Variants in DAPK1 observed in about 807,000 individuals in gnomAD.
The protein encoded by DAPK1 is death associated protein kinase 1, also known as death-associated protein kinase 1.
DAPK1 carries 56 observed loss-of-function variants against 144.9 expected under a neutral mutation model. The observed-to-expected ratio is 0.39, with a 90% CI of 0.31 to 0.48. The LOEUF is 0.48. DAPK1 is among the 20% of genes least tolerant of loss of function. DAPK1 has a pLI of 0.95. For synonymous variants in DAPK1, 690 were observed against 749.0 expected (o/e 0.92, Z 1.29); for missense variants, 1,454 against 1,875.4 (o/e 0.78, Z 4.15).
chr9:87,582,014 A>G (rs922287027), intron 2 of DAPK1, among the ~76,000 whole-genome samples: 2 of 152,222 alleles, frequency 1.3e-5, no homozygotes, highest in Non-Finnish European at 2.9e-5. Context: ...AAAAGAAAAC[A>G]AATCCAGGAG....
chr9:87,567,120 T>C (rs1486031718), intron 2 of DAPK1, among the ~76,000 whole-genome samples: 1 of 152,226 alleles, frequency 6.6e-6, no homozygotes, highest in Non-Finnish European at 1.5e-5. Context: ...GATTAAAATA[T>C]TCTCTTTCTG....
intron 2 of DAPK1, among the ~76,000 whole-genome samples, chr9:87,538,769 T>A (rs1825942933): frequency 6.6e-6 from 1 of 152,132 alleles, no homozygotes; most frequent in African/African-American, 2.4e-5. Context: ...TACTTGTAAC[T>A]TAAAAAATTA....
Position 87,686,674 on chromosome 9 carries a change from A to G in DAPK1, c.2348A>G (p.His783Arg). ...MLEVFVAPTH[H>R]PHCSADDQST... ...GAGGTGTTTGTGGCCCCGACCCACC[A>G]CCCGCACTGCTCGGCCGATGACCAG... Residue 783 changes from histidine (H) to arginine (R), a missense_variant, in exon 21 of 26, where the codon CAC (histidine) becomes CGC (arginine). Coordinates refer to ENST00000408954, the MANE Select transcript of DAPK1 (RefSeq NM_004938.4). This position sits in a 1 kb window ranked among gnomAD's most constrained non-coding sequence, Gnocchi z 4.2. 1 of 1,613,208 alleles carries G rather than the reference A, an allele frequency of 6.2e-7. No individual in the cohort carries two copies. The highest frequency in any genetic ancestry group is 8.5e-7 in the Non-Finnish European group (1 of 1,179,328).
intron 4 of DAPK1, among the ~76,000 whole-genome samples, 185 bp from the exon 5 acceptor site, chr9:87,639,169 T>C (rs977352870): frequency 1.6e-4 from 25 of 152,100 alleles, no homozygotes; most frequent in African/African-American, 6.0e-4. Context: ...TCCGAATCCT[T>C]GTCTCAGGCC....
intron 10 of DAPK1, among the ~76,000 whole-genome samples, chr9:87,642,691 C>T (rs761843819): frequency 2.6e-5 from 4 of 152,156 alleles, no homozygotes; most frequent in African/African-American, 7.2e-5. Context: ...CTTCCCAGCT[C>T]AGGGCCAGAA....
rs747421018 is a variant in DAPK1 at position 87,651,627 on chromosome 9, A to G, written c.1727A>G (p.His576Arg). The G allele has an allele frequency of 1.9e-6, 3 of 1,614,190 alleles. No individual in the cohort carries two copies. Among genetic ancestry groups the G allele is most frequent in the Non-Finnish European group, 2.5e-6 (3 of 1,180,028 alleles). The change falls in exon 17 of 26, where the codon CAC (histidine) becomes CGC (arginine). Residue 576 changes from histidine (H) to arginine (R), a missense_variant. Transcript: ENST00000408954. ...QGCFVDYQDRHGNTPLHVACK... is the reference protein window; with the variant it reads ...QGCFVDYQDRRGNTPLHVACK... ...TGTTTCGTCGATTATCAAGACAGGC[A>G]CGGCAATACTCCCCTCCATGTGGCA...
intron 2 of DAPK1, among the ~76,000 whole-genome samples, chr9:87,571,601 C>T (rs1236218871): frequency 6.6e-6 from 1 of 151,496 alleles, no homozygotes; most frequent in Non-Finnish European, 1.5e-5. Flanking sequence ...TGTCTCCTTG[C>T]AAACGTTCCA....
At chr9:87,657,999 C>T (rs370802566) in intron 17 of DAPK1, 30 bp from the exon 18 acceptor site, 23 of 855,564 alleles carry the variant, frequency 2.7e-5, no homozygotes, top group South Asian at 1.1e-4. Context: ...GTGAGAAGAA[C>T]GACCTTTGGC....
intron 11 of DAPK1, among the ~76,000 whole-genome samples, chr9:87,644,313 G>C (rs751920218): frequency 2.0e-5 from 3 of 152,032 alleles, no homozygotes; most frequent in Non-Finnish European, 2.9e-5. Context: ...ATCAAACAAC[G>C]GGGCTTTGTT....
At chr9:87,557,215 C>T (rs1826750124) in intron 2 of DAPK1, among the ~76,000 whole-genome samples, 1 of 152,110 alleles carries the variant, frequency 6.6e-6, no homozygotes, top group Admixed American at 6.6e-5. Flanking sequence ...TGTTACCTGG[C>T]AGCCACACAT....
intron 3 of DAPK1, among the ~76,000 whole-genome samples, chr9:87,622,274 T>C (rs1829323300): frequency 6.6e-6 from 1 of 151,864 alleles, no homozygotes; most frequent in South Asian, 2.1e-4. Context: ...AGTGTTGGGG[T>C]AGGAGGCTGT....
chr9:87,569,335 G>A (rs889764735), intron 2 of DAPK1, among the ~76,000 whole-genome samples: 7 of 152,210 alleles, frequency 4.6e-5, no homozygotes, highest in African/African-American at 1.7e-4. Context: ...TTTGCCCCAT[G>A]GACTGAATCC....
chr9:87,629,265 G>C (rs1483149350), intron 3 of DAPK1, among the ~76,000 whole-genome samples: 1 of 152,196 alleles, frequency 6.6e-6, no homozygotes, highest in Non-Finnish European at 1.5e-5. Context: ...CAGGGAAAGT[G>C]CCAGTTGCAG....
intron 2 of DAPK1, among the ~76,000 whole-genome samples, chr9:87,507,366 C>T (rs1824644171): frequency 6.6e-6 from 1 of 152,184 alleles, no homozygotes; most frequent in Admixed American, 6.5e-5. Flanking sequence ...GCATGCACCA[C>T]CACGCCTGGC....
intron 1 of DAPK1, 68 bp from the exon 2 acceptor site, chr9:87,498,902 G>T (rs1824290566): frequency 7.3e-6 from 4 of 550,214 alleles, no homozygotes; most frequent in Non-Finnish European, 1.0e-5. Context: ...TCTTAGCGCC[G>T]GGGAGGTCTA....
intron 2 of DAPK1, among the ~76,000 whole-genome samples, chr9:87,534,792 G>A (rs377330310): frequency 2.6e-5 from 4 of 151,954 alleles, no homozygotes; most frequent in African/African-American, 9.6e-5. Flanking sequence ...TTATAGGCAC[G>A]TGCCACCACG....
intron 2 of DAPK1, among the ~76,000 whole-genome samples, chr9:87,552,758 A>ATT (rs33983483): frequency 6.9e-6 from 1 of 145,242 alleles, no homozygotes; most frequent in Admixed American, 6.9e-5. Context: ...TACCCCGTTA[A>ATT]TTTTTTTTTT....
At chr9:87,623,557 G>A (rs1183752235) in intron 3 of DAPK1, among the ~76,000 whole-genome samples, 2 of 152,124 alleles carry the variant, frequency 1.3e-5, no homozygotes, top group Admixed American at 1.3e-4. Flanking sequence ...CATCAAGCAG[G>A]ACACAAAGGA....
chr9:87,681,533 C>A lies in DAPK1; in HGVS notation c.2131C>A (p.Leu711Met), dbSNP rs767777494. The part of the protein sequence containing the change: ...TTLVESLKCG[L>M]LRSFFRRRRP... ...CCTTGTAGAATCTCTCAAGTGTGGG[C>A]TGCTGAGGAGCTTTTTCAGAAGGCG... Residue 711 changes from leucine (L) to methionine (M), a missense_variant, in exon 20 of 26, where the codon CTG (leucine) becomes ATG (methionine). Around this residue, in one of 2 missense-constraint regions of DAPK1, gnomAD observed 1,025 missense variants for 1,237.9 expected, o/e 0.83. Transcript: ENST00000408954. 19 of 1,611,682 alleles carry A rather than the reference C, an allele frequency of 1.2e-5. No individual in the cohort carries two copies. Among genetic ancestry groups the A allele is most frequent in the Non-Finnish European group, 1.7e-6 (2 of 1,177,906 alleles).
Sources: allele counts gnomAD v4.1 joint callset (sites outside exome capture counted in the v4.1 genomes callset), GRCh38; gene constraint gnomAD v4.1.1; regional missense constraint gnomAD v4.1.1; non-coding constraint Gnocchi (gnomAD v3.1); transcripts MANE v1.5; gene names NCBI Gene and HGNC (gene_info 2026-07-23, HGNC 2026-07-21).